EPHA6: variants seen among roughly 807,000 people sequenced by gnomAD.
EPHA6 encodes EPH receptor A6.
In EPHA6, 50 loss-of-function variants were observed where a neutral mutation model predicts 112.0. That is an observed-to-expected ratio of 0.45 (90% CI 0.36 to 0.56). EPHA6 has a LOEUF of 0.56. Ranked by LOEUF, EPHA6 falls within the 20% of genes least tolerant of loss-of-function variation. The probability of loss-of-function intolerance (pLI) is 0.00; values close to 1 mark genes in which losing one functional copy is unlikely to be tolerated. For missense variants in EPHA6, 1,280 were observed against 1,417.4 expected, an observed-to-expected ratio of 0.90 and a Z score of 1.56; for synonymous variants, 529 against 490.7, an observed-to-expected ratio of 1.08 and a Z score of -1.03.
intron 4 of EPHA6, among the ~76,000 whole-genome samples, chr3:97,236,667 T>C (rs1167109984): frequency 6.6e-6 from 1 of 152,092 alleles, no homozygotes; most frequent in Non-Finnish European, 1.5e-5. Flanking sequence ...CACAGGCAAA[T>C]ATCAAGTCTT....
intron 3 of EPHA6, among the ~76,000 whole-genome samples, chr3:97,025,536 T>C (rs2044607330): frequency 6.6e-6 from 1 of 152,178 alleles, no homozygotes; most frequent in African/African-American, 2.4e-5. Flanking sequence ...TTCAGTGTCT[T>C]CATGAAATCT....
intron 2 of EPHA6, among the ~76,000 whole-genome samples, chr3:96,946,682 A>G (rs1188286729): frequency 1.3e-5 from 2 of 152,192 alleles, no homozygotes; most frequent in African/African-American, 2.4e-5. Flanking sequence ...TCCTTTGGGT[A>G]TATACCCAGT....
At chr3:97,096,557 AAAG>A (rs2047244646) in intron 3 of EPHA6, among the ~76,000 whole-genome samples, 1 of 151,926 alleles carries the variant, frequency 6.6e-6, no homozygotes. Flanking sequence ...AATGTACTCA[AAAG>A]AAGAATATAA....
intron 3 of EPHA6, among the ~76,000 whole-genome samples, chr3:97,128,811 C>T (rs2048253751): frequency 6.6e-6 from 1 of 151,628 alleles, no homozygotes; most frequent in Non-Finnish European, 1.5e-5. Context: ...ACTGCCGGTG[C>T]CTGACCCCAT....
chr3:97,204,125 A>G (rs576946599), intron 3 of EPHA6, among the ~76,000 whole-genome samples: 2 of 152,278 alleles, frequency 1.3e-5, no homozygotes, highest in African/African-American at 4.8e-5. Flanking sequence ...AGAAAAGAGT[A>G]AATTTTATCC....
intron 2 of EPHA6, among the ~76,000 whole-genome samples, chr3:96,967,490 C>T (rs2042166920): frequency 6.6e-6 from 1 of 151,662 alleles, no homozygotes; most frequent in South Asian, 2.1e-4. Flanking sequence ...TTTATTATCT[C>T]ATGATAAAAT....
At chr3:97,337,041 A>G (rs753002197) in intron 5 of EPHA6, among the ~76,000 whole-genome samples, 7 of 152,026 alleles carry the variant, frequency 4.6e-5, no homozygotes, top group Non-Finnish European at 7.4e-5. Flanking sequence ...TTCTCTCTAC[A>G]TCTCATATAG....
At chr3:96,843,502 A>G (rs578253187) in intron 1 of EPHA6, among the ~76,000 whole-genome samples, 1 of 151,212 alleles carries the variant, frequency 6.6e-6, no homozygotes, top group South Asian at 2.1e-4. Context: ...GTTAGTTAGG[A>G]AGAGCATGTT....
intron 3 of EPHA6, among the ~76,000 whole-genome samples, chr3:97,120,372 T>C (rs1374988324): frequency 6.6e-6 from 1 of 151,910 alleles, no homozygotes; most frequent in Non-Finnish European, 1.5e-5. Flanking sequence ...GCAGTTTTTT[T>C]TTAATTTAAA....
At chr3:97,704,996 T>C (rs2033602198) in intron 14 of EPHA6, among the ~76,000 whole-genome samples, 1 of 152,136 alleles carries the variant, frequency 6.6e-6, no homozygotes, top group African/African-American at 2.4e-5. Flanking sequence ...CAAAGTGATG[T>C]AAAATAAAAA....
At chr3:97,283,520 T>G (rs2080359001) in intron 5 of EPHA6, among the ~76,000 whole-genome samples, 1 of 152,112 alleles carries the variant, frequency 6.6e-6, no homozygotes. Context: ...GATTATAATA[T>G]TAAATGAAAT....
chr3:96,990,301 G>T (rs2043168990), intron 3 of EPHA6, among the ~76,000 whole-genome samples: 1 of 152,044 alleles, frequency 6.6e-6, no homozygotes, highest in African/African-American at 2.4e-5. Flanking sequence ...GGCAAAGATA[G>T]TTTTGGACAA....
At chr3:96,938,585 T>C (rs1284788105) in intron 2 of EPHA6, among the ~76,000 whole-genome samples, 1 of 152,174 alleles carries the variant, frequency 6.6e-6, no homozygotes, top group East Asian at 1.9e-4. Flanking sequence ...CTTTTCCTAA[T>C]TGAATACTCT....
intron 5 of EPHA6, among the ~76,000 whole-genome samples, chr3:97,362,516 G>A (rs2084427313): frequency 6.6e-6 from 1 of 151,888 alleles, no homozygotes; most frequent in Non-Finnish European, 1.5e-5. Flanking sequence ...AGGACAAATA[G>A]TAATTTAAGA....
At chr3:96,946,792 C>T (rs1325048433) in intron 2 of EPHA6, among the ~76,000 whole-genome samples, 1 of 152,140 alleles carries the variant, frequency 6.6e-6, no homozygotes, top group Non-Finnish European at 1.5e-5. Flanking sequence ...GACCCACCAA[C>T]AGTGTAAAAG....
intron 10 of EPHA6, among the ~76,000 whole-genome samples, chr3:97,503,498 A>C (rs2092176070): frequency 6.6e-6 from 1 of 152,220 alleles, no homozygotes; most frequent in Non-Finnish European, 1.5e-5. Flanking sequence ...CCCTGCACCA[A>C]AACACAAAGC....
intron 12 of EPHA6, among the ~76,000 whole-genome samples, chr3:97,605,052 A>G (rs947867656): frequency 6.6e-6 from 1 of 151,600 alleles, no homozygotes; most frequent in African/African-American, 2.4e-5. Flanking sequence ...TGTTGTTAAC[A>G]TTAATACTGT....
intron 3 of EPHA6, among the ~76,000 whole-genome samples, chr3:97,148,393 G>T (rs1400205210): frequency 1.3e-5 from 2 of 152,038 alleles, no homozygotes; most frequent in East Asian, 3.9e-4. Context: ...GGATCATTAA[G>T]CCCGGGAATT....
rs1044415116 is a variant in EPHA6 at position 97,757,975 on chromosome 3, T to G, written c.*9274T>G. 1.3e-5 allele frequency among the ~76,000 whole-genome samples: 2 copies of G among 151,906 alleles called. No individual in the cohort carries two copies. The highest frequency in any genetic ancestry group is 2.9e-5 in the Non-Finnish European group (2 of 67,822). Reference sequence around the variant, plus strand: ...TCTTTTATTTAATATTAGTCTGATATCCCCTAAAATTTGCTAGAGAAAGCA... The same window carrying G: ...TCTTTTATTTAATATTAGTCTGATAGCCCCTAAAATTTGCTAGAGAAAGCA... On this transcript the variant is annotated 3_prime_UTR_variant, in exon 18 of 18. Transcript: ENST00000389672.
Sources: gnomAD v4.1 joint callset for allele counts (sites outside exome capture counted in the v4.1 genomes callset) on GRCh38, gnomAD v4.1.1 for gene constraint, MANE v1.5 for transcripts, NCBI Gene and HGNC (gene_info 2026-07-23, HGNC 2026-07-21) for gene names.